Variants in CBLB observed in about 807,000 individuals in gnomAD.
CBLB encodes E3 ubiquitin-protein ligase CBL-B.
CBLB carries 31 observed loss-of-function variants against 104.9 expected under a neutral mutation model. The ratio of observed to expected loss-of-function variants is 0.30; its 90% CI spans 0.22 to 0.40. CBLB has a LOEUF of 0.40. Ranked by LOEUF, CBLB falls within the 10% of genes least tolerant of loss-of-function variation. The probability of loss-of-function intolerance (pLI) is 1.00; values close to 1 mark genes in which losing one functional copy is unlikely to be tolerated. For synonymous variants in CBLB, 440 were observed against 422.6 expected, an observed-to-expected ratio of 1.04 and a Z score of -0.51; for missense variants, 1,062 against 1,214.6, an observed-to-expected ratio of 0.87 and a Z score of 1.87.
rs112712946 is a variant in CBLB, at chr3:105,720,145, T to C, written c.1309A>G (p.Ser437Gly). Reference sequence around the variant, plus strand: ...GGCATGCCAAAGGGGTCAATGATGCTGCAACACCTGGAGCCTTCATCTCTT... The same window carrying C: ...GGCATGCCAAAGGGGTCAATGATGCCGCAACACCTGGAGCCTTCATCTCTT... ...DPRDEGSRCC[S>G]IIDPFGMPML... The change falls in exon 10 of 19, where the codon AGC (serine) becomes GGC (glycine). Residue 437 changes from serine to glycine, a missense_variant. Transcript: ENST00000394030. 1 of 1,613,956 alleles carries C rather than the reference T, an allele frequency of 6.2e-7. No individual in the cohort carries two copies. Among genetic ancestry groups the C allele is most frequent in the Admixed American group, 1.7e-5 (1 of 59,988 alleles).
At chr3:105,832,594 C>A (rs1017890357) in intron 3 of CBLB, among the ~76,000 whole-genome samples, 5 of 152,164 alleles carry the variant, frequency 3.3e-5, no homozygotes, top group Non-Finnish European at 5.9e-5. Context: ...GCTTAAGTTT[C>A]TCTGGCTTTA....
At chr3:105,789,302 G>A (rs1366829870) in intron 3 of CBLB, among the ~76,000 whole-genome samples, 1 of 151,888 alleles carries the variant, frequency 6.6e-6, no homozygotes, top group African/African-American at 2.4e-5. Flanking sequence ...GATGAAGCTG[G>A]GTAGAAAGTA....
intron 4 of CBLB, among the ~76,000 whole-genome samples, chr3:105,757,546 A>G (rs1179030301): frequency 6.6e-6 from 1 of 152,204 alleles, no homozygotes; most frequent in African/African-American, 2.4e-5. Context: ...TACTGTAAAC[A>G]TGGATTATGT....
At chr3:105,735,050 G>T (rs573855682) in intron 8 of CBLB, among the ~76,000 whole-genome samples, 49 of 152,298 alleles carry the variant, frequency 3.2e-4, no homozygotes, top group African/African-American at 1.2e-3. Flanking sequence ...CAATATTTGG[G>T]TAAATAAAGC....
chr3:105,688,425 T>A (rs964560012), intron 13 of CBLB, among the ~76,000 whole-genome samples: 2 of 152,032 alleles, frequency 1.3e-5, no homozygotes, highest in Admixed American at 1.3e-4. Context: ...ATCTTCTACA[T>A]ATGCACACTT....
intron 7 of CBLB, among the ~76,000 whole-genome samples, chr3:105,738,032 T>C (rs1576744558): frequency 6.6e-6 from 1 of 152,274 alleles, no homozygotes; most frequent in Admixed American, 6.5e-5. Flanking sequence ...AAAAATAAAA[T>C]TTACTGTGTT....
intron 12 of CBLB, among the ~76,000 whole-genome samples, chr3:105,696,756 T>G (rs2152765083): frequency 6.6e-6 from 1 of 152,068 alleles, no homozygotes; most frequent in East Asian, 1.9e-4. Context: ...CCTACCAAAT[T>G]ATGATTACTT....
intron 4 of CBLB, among the ~76,000 whole-genome samples, chr3:105,766,123 G>T (rs2078192270): frequency 6.6e-6 from 1 of 152,182 alleles, no homozygotes; most frequent in African/African-American, 2.4e-5. Context: ...AGTGGAAGAA[G>T]TAACTGTAGA....
At position 105,867,558 on chromosome 3, in the gene CBLB, C is replaced by T. The variant is rs2092495790; in HGVS notation, c.20G>A (p.Gly7Asp). MANSMN[G>D]RNPGGRGGNP... ...TCCTCCTCGACCACCAGGGTTTCTG[C>T]CATTCATTGAGTTTGCCATCTGGAA... Residue 7 changes from glycine (G) to aspartate (D), a missense_variant, in exon 2 of 19, where the codon GGC becomes GAC. By Grantham distance (94) the Gly-to-Asp change is moderately conservative. Coordinates refer to ENST00000394030, the MANE Select transcript of CBLB (RefSeq NM_170662.5). The T allele has an allele frequency of 8.1e-6, 13 of 1,614,038 alleles. No individual in the cohort carries two copies. Among genetic ancestry groups the T allele is most frequent in the Non-Finnish European group, 1.1e-5 (13 of 1,179,994 alleles).
At chr3:105,853,313 A>G in intron 3 of CBLB, 101 bp downstream of exon 3, 4 of 1,256,212 alleles carry the variant, frequency 3.2e-6, no homozygotes, top group Non-Finnish European at 4.7e-6. Flanking sequence ...AGCGACTCAC[A>G]TTTACCCCAA....
In CBLB at chr3:105,658,969, G is replaced by T; in HGVS notation, c.*1C>A. 6.2e-7 allele frequency: 1 copy of T among 1,613,694 alleles called. No homozygotes were observed. The highest frequency in any genetic ancestry group is 8.5e-7 in the Non-Finnish European group (1 of 1,179,774). On this transcript the variant is annotated 3_prime_UTR_variant, in exon 19 of 19. Transcript: ENST00000394030. Reference sequence around the variant, plus strand: ...CATTTTGGTGTCTACAGTTCTGGCTGCTATAGATTTAGACGTGGGGATACT... The same window carrying T: ...CATTTTGGTGTCTACAGTTCTGGCTTCTATAGATTTAGACGTGGGGATACT...
intron 13 of CBLB, among the ~76,000 whole-genome samples, chr3:105,688,857 T>C (rs2067323366): frequency 6.6e-6 from 1 of 152,110 alleles, no homozygotes. Context: ...AGCTTTAAGA[T>C]AAGCTTTACT....
At chr3:105,730,650 G>T (rs2074217335) in intron 9 of CBLB, among the ~76,000 whole-genome samples, 1 of 151,996 alleles carries the variant, frequency 6.6e-6, no homozygotes, top group South Asian at 2.1e-4. Flanking sequence ...TATACAAAAT[G>T]TATCAGGAGG....
chr3:105,670,391 C>A, intron 17 of CBLB, 39 bp from the exon 18 acceptor site: 1 of 1,571,280 alleles, frequency 6.4e-7, no homozygotes, highest in Non-Finnish European at 8.7e-7. Context: ...AAAGGATGAT[C>A]TCTGTTGATT....
chr3:105,860,741 G>A (rs1318829744), intron 2 of CBLB, among the ~76,000 whole-genome samples: 1 of 152,128 alleles, frequency 6.6e-6, no homozygotes, highest in East Asian at 1.9e-4. Flanking sequence ...GCACTGAACA[G>A]TTTGTTGAGG....
At chr3:105,684,775 A>G (rs2066796956) in intron 14 of CBLB, among the ~76,000 whole-genome samples, 1 of 151,888 alleles carries the variant, frequency 6.6e-6, no homozygotes, top group African/African-American at 2.4e-5. Flanking sequence ...CTGGTTTCAA[A>G]CTCCTGACCT....
At chr3:105,738,658 A>G (rs1411079874) in intron 7 of CBLB, among the ~76,000 whole-genome samples, 1 of 152,144 alleles carries the variant, frequency 6.6e-6, no homozygotes, top group Non-Finnish European at 1.5e-5. Context: ...TTTTTAACCT[A>G]TCAGGAGGTT....
intron 10 of CBLB, among the ~76,000 whole-genome samples, chr3:105,714,396 C>T (rs2071537941): frequency 6.6e-6 from 1 of 151,998 alleles, no homozygotes; most frequent in African/African-American, 2.4e-5. Context: ...AATTATAAAC[C>T]TCACCATAAT....
chr3:105,720,622 A>G (rs1290920722), intron 9 of CBLB, among the ~76,000 whole-genome samples: 1 of 152,206 alleles, frequency 6.6e-6, no homozygotes, highest in Non-Finnish European at 1.5e-5. Flanking sequence ...AGTACTAACC[A>G]AACATTCCAT....
Sources: allele counts gnomAD v4.1 joint callset (sites outside exome capture counted in the v4.1 genomes callset), GRCh38; gene constraint gnomAD v4.1.1; transcripts MANE v1.5; gene names NCBI Gene and HGNC (gene_info 2026-07-23, HGNC 2026-07-21).